Variants in NEU3 observed in about 807,000 individuals in gnomAD.
NEU3 encodes the protein sialidase-3.
In NEU3, 10 loss-of-function variants were observed where a neutral mutation model predicts 11.4. That is an observed-to-expected ratio of 0.88 (90% CI 0.54 to 1.49). NEU3 has a LOEUF of 1.49. NEU3 is among the 40% of genes most tolerant of loss of function. The probability of loss-of-function intolerance (pLI) is 0.00; values close to 1 mark genes in which losing one functional copy is unlikely to be tolerated. For synonymous variants in NEU3, 212 were observed against 228.2 expected, an observed-to-expected ratio of 0.93 and a Z score of 0.64; for missense variants, 529 against 581.8, an observed-to-expected ratio of 0.91 and a Z score of 0.93.
At chr11:75,012,543 C>A (rs1211901838), downstream of NEU3, among the ~76,000 whole-genome samples, 1 of 152,194 alleles carries the variant, frequency 6.6e-6, no homozygotes, top group Non-Finnish European at 1.5e-5. Flanking sequence ...CCAGGCCTGA[C>A]GGTAGATAGT....
upstream of NEU3, among the ~76,000 whole-genome samples, chr11:74,983,567 T>G (rs956689804): frequency 4.6e-5 from 7 of 152,208 alleles, no homozygotes; most frequent in Non-Finnish European, 1.0e-4. Flanking sequence ...CCAGAGGAGC[T>G]TCCTGAAAGC....
intron 2 of NEU3, among the ~76,000 whole-genome samples, chr11:75,004,929 T>TC (rs1445859976): frequency 3.3e-5 from 5 of 152,088 alleles, no homozygotes; most frequent in African/African-American, 4.8e-5. Flanking sequence ...TTTCTTTTTT[T>TC]TTTCTTTCTT....
chr11:74,986,511 C>T (rs1948665928), upstream of NEU3, among the ~76,000 whole-genome samples: 1 of 152,196 alleles, frequency 6.6e-6, no homozygotes, highest in Admixed American at 6.5e-5. Context: ...TAAGACTTCA[C>T]ATTTTCCATA....
rs200652527 is a variant in NEU3 at position 74,994,527 on chromosome 11, C to A, written c.113C>A (p.Thr38Lys). 87 of 1,611,342 alleles carry A rather than the reference C, an allele frequency of 5.4e-5. 1 individual carries two copies. In the African/African-American group the frequency reaches 9.9e-4, roughly 18 times the overall value. Reference sequence around the variant, plus strand: ...CTTGCAGAGGTCATGGAAGAAGTGACAACATGCTCCTTCAACAGCCCTCTG... The same window carrying A: ...CTTGCAGAGGTCATGGAAGAAGTGAAAACATGCTCCTTCAACAGCCCTCTG... Reference protein sequence around the residue: ...GSSAEVMEEVTTCSFNSPLFR... With the variant: ...GSSAEVMEEVKTCSFNSPLFR... The change falls in exon 2 of 3, where the codon ACA (threonine) becomes AAA (lysine). Residue 38 changes from threonine to lysine, a missense_variant. Physicochemically the swap from Thr to Lys is moderately conservative, Grantham distance 78 (BLOSUM62 -1). Transcript: ENST00000294064.
chr11:75,001,116 A>G (rs997870895), intron 2 of NEU3, among the ~76,000 whole-genome samples: 33 of 151,854 alleles, frequency 2.2e-4, no homozygotes, highest in Admixed American at 1.5e-3. Context: ...CCCCACCGAC[A>G]TTTGTCATTT....
chr11:74,997,494 G>C (rs1057459193), intron 2 of NEU3, among the ~76,000 whole-genome samples: 3 of 152,088 alleles, frequency 2.0e-5, no homozygotes, highest in Admixed American at 6.6e-5. Context: ...TCAGCAATAA[G>C]GCTGTTTTGC....
At position 74,998,298 on chromosome 11, in the gene NEU3, C is replaced by T. The variant is rs576183153; in HGVS notation, c.306+3578C>T. Among the ~76,000 whole-genome samples, 5 of 152,180 alleles carry T rather than the reference C, an allele frequency of 3.3e-5. No individual in the cohort carries two copies. In the South Asian group the frequency reaches 1.0e-3, roughly 32 times the overall value. Reference sequence around the variant, plus strand: ...TGTTTGAGATATTGTGAGAATTAACCGAAACATGACAAAGACATGAAGTGA... The same window carrying T: ...TGTTTGAGATATTGTGAGAATTAACTGAAACATGACAAAGACATGAAGTGA... On this transcript the variant is annotated intron_variant, in intron 2 of 2. Coordinates refer to ENST00000294064, the MANE Select transcript of NEU3 (RefSeq NM_006656.6).
intron 1 of NEU3, among the ~76,000 whole-genome samples, chr11:74,990,845 G>A (rs1948724018): frequency 6.6e-6 from 1 of 152,176 alleles, no homozygotes; most frequent in Admixed American, 6.5e-5. Flanking sequence ...AGCAATAAAG[G>A]GGGATTTAAA....
chr11:75,016,647 C>A (rs1411435454), intron 3 of NEU3, among the ~76,000 whole-genome samples: 1 of 152,126 alleles, frequency 6.6e-6, no homozygotes, highest in Non-Finnish European at 1.5e-5. Flanking sequence ...AGCAGAGATC[C>A]TTCAAAATTG....
chr11:75,018,033 T>A (rs539143576), intron 3 of NEU3, among the ~76,000 whole-genome samples: 2 of 152,204 alleles, frequency 1.3e-5, no homozygotes, highest in African/African-American at 2.4e-5. Flanking sequence ...GCACTTTTTT[T>A]AAGCCTTCCC....
intron 2 of NEU3, among the ~76,000 whole-genome samples, chr11:74,998,875 A>G (rs527502006): frequency 6.6e-6 from 1 of 152,348 alleles, no homozygotes; most frequent in South Asian, 2.1e-4. Context: ...CCTACAGCCC[A>G]GTAGTACTTG....
At chr11:75,014,633 T>G (rs1486107119), downstream of NEU3, among the ~76,000 whole-genome samples, 4 of 152,128 alleles carry the variant, frequency 2.6e-5, no homozygotes, top group African/African-American at 9.7e-5. Flanking sequence ...ATCCCAGCAC[T>G]TTGGGAGGCA....
At position 74,989,004 on chromosome 11, in the gene NEU3, C is replaced by A. The variant is rs1236365174; in HGVS notation, c.-57C>A. 1.5e-6 allele frequency: 2 copies of A among 1,314,846 alleles called. No individual in the cohort carries two copies. Among genetic ancestry groups the A allele is most frequent in the African/African-American group, 1.5e-5 (1 of 67,724 alleles). 81.4% of individuals were successfully genotyped at this position (1,314,846 alleles called of 1,614,324 possible). On this transcript the variant is annotated 5_prime_UTR_variant, in exon 1 of 3. Coordinates refer to ENST00000294064, the MANE Select transcript of NEU3 (RefSeq NM_006656.6). ...TCTCAGTTGTTTCTCCCTCTCTATC[C>A]TCCTCTGTCTCAGTCTCCCCAGCCT... is the stretch of plus-strand genomic sequence containing the variant.
rs1948764791 is a variant in NEU3, at chr11:74,994,458, A to G, written c.95-51A>G. Reference sequence around the variant, plus strand: ...AAATGATGAAGCAGAATTTATATGCAGGCCAGCATCTGGGTATGGACACAC... The same window carrying G: ...AAATGATGAAGCAGAATTTATATGCGGGCCAGCATCTGGGTATGGACACAC... On this transcript the variant is annotated intron_variant, in intron 1 of 2. Transcript: ENST00000294064. 12 of 1,414,914 alleles carry G rather than the reference A, an allele frequency of 8.5e-6. No homozygotes were observed. In the Admixed American group the frequency reaches 2.6e-4, roughly 31 times the overall value. 87.6% of individuals were successfully genotyped at this position (1,414,914 alleles called of 1,614,324 possible).
chr11:75,005,270 A>G, intron 2 of NEU3, 143 bp from the exon 3 acceptor site: 1 of 833,664 alleles, frequency 1.2e-6, no homozygotes, highest in South Asian at 2.0e-5. Flanking sequence ...ATATCCGAGA[A>G]TTTAGTGAGT....
upstream of NEU3, among the ~76,000 whole-genome samples, chr11:74,984,015 C>T (rs940858418): frequency 2.1e-4 from 32 of 152,024 alleles, no homozygotes; most frequent in African/African-American, 7.3e-4. Context: ...GTTGATAGTA[C>T]CTTTAATTAA....
In NEU3 at chr11:74,996,239, G is replaced by T. The variant is rs570919884; in HGVS notation, c.306+1519G>T. Among the ~76,000 whole-genome samples the T allele has an allele frequency of 3.3e-5, 5 of 152,234 alleles. No homozygotes were observed. The East Asian group carries it at 9.6e-4, about 29-fold the overall frequency. On this transcript the variant is annotated intron_variant, in intron 2 of 2. Transcript: ENST00000294064. ...AAAAGATTTCTCTGTAGCATGCAATGCTACAGAATTTGATAGCATTTTTCC... is the reference window on the plus strand; with the variant it reads ...AAAAGATTTCTCTGTAGCATGCAATTCTACAGAATTTGATAGCATTTTTCC...
chr11:75,020,471 G>A (rs1208391634), downstream of NEU3, among the ~76,000 whole-genome samples: 2 of 152,136 alleles, frequency 1.3e-5, no homozygotes, highest in Non-Finnish European at 2.9e-5. Context: ...ATAGGGGCAG[G>A]TCTTTCCCAT....
chr11:74,997,285 G>A (rs1019839369), intron 2 of NEU3, among the ~76,000 whole-genome samples: 2 of 152,212 alleles, frequency 1.3e-5, no homozygotes, highest in African/African-American at 2.4e-5. Flanking sequence ...GCCCTTTTAA[G>A]TTACGGAGAC....
Sources: allele counts gnomAD v4.1 joint callset (sites outside exome capture counted in the v4.1 genomes callset), GRCh38; gene constraint gnomAD v4.1.1; transcripts MANE v1.5; gene names NCBI Gene and HGNC (gene_info 2026-07-23, HGNC 2026-07-21).